Variants in SLC5A4 observed in about 807,000 individuals in gnomAD.
The protein encoded by SLC5A4 is probable glucose sensor protein SLC5A4.
SLC5A4 carries 55 observed loss-of-function variants against 70.3 expected under a neutral mutation model. That is an observed-to-expected ratio of 0.78 (90% CI 0.63 to 0.98). The LOEUF is 0.98. Among genes scored for constraint, SLC5A4 ranks in the 50% least tolerant of loss-of-function variants. SLC5A4 has a pLI of 0.00. For missense variants in SLC5A4, 735 were observed against 839.2 expected (o/e 0.88, Z 1.53); for synonymous variants, 268 against 305.7 (o/e 0.88, Z 1.29).
Position 32,234,864 on chromosome 22 carries a change from A to T in SLC5A4, c.885+9T>A. On this transcript the variant is annotated intron_variant, in intron 8 of 14. Transcript: ENST00000266086. ...CAGACAGACAGACACACATATACAT[A>T]TACTTCACCTGATTTGTGCACCAGT... The T allele has an allele frequency of 6.3e-7, 1 of 1,590,252 alleles. No homozygotes were observed. The highest frequency in any genetic ancestry group is 2.1e-4 in the Middle Eastern group (1 of 4,802).
At chr22:32,247,370 C>G (rs200852699) in intron 5 of SLC5A4, 41 bp downstream of exon 5, 1 of 1,282,564 alleles carries the variant, frequency 7.8e-7, no homozygotes, top group East Asian at 2.3e-5. Context: ...CCCATCTGAC[C>G]AACCTCTTGA....
chr22:32,335,217 C>T, the SLC5A4 span, among the ~76,000 whole-genome samples: 1 of 152,196 alleles, frequency 6.6e-6, no homozygotes, highest in South Asian at 2.1e-4. Context: ...CCACCAGCAC[C>T]AGTGACAGCC....
chr22:32,316,219 A>G, the SLC5A4 span, among the ~76,000 whole-genome samples: 1 of 152,162 alleles, frequency 6.6e-6, no homozygotes, highest in Non-Finnish European at 1.5e-5. Context: ...GTATACTTTA[A>G]AAATAGTTAA....
the SLC5A4 span, among the ~76,000 whole-genome samples, chr22:32,300,685 A>G: frequency 6.6e-6 from 1 of 152,140 alleles, no homozygotes; most frequent in African/African-American, 2.4e-5. Flanking sequence ...TGGCTTTTTC[A>G]TTAAGCATAA....
intron 3 of SLC5A4, among the ~76,000 whole-genome samples, chr22:32,251,473 G>A (rs942441091): frequency 6.7e-6 from 1 of 150,302 alleles, no homozygotes; most frequent in Admixed American, 6.6e-5. Context: ...TTCTGTCTCT[G>A]TCTCTGTCTC....
chr22:32,285,917 T>C, the SLC5A4 span, among the ~76,000 whole-genome samples: 24 of 152,074 alleles, frequency 1.6e-4, no homozygotes, highest in African/African-American at 5.8e-4. Context: ...TTTGTATTTT[T>C]AGTAGAGACG....
At chr22:32,328,807 G>A in the SLC5A4 span, among the ~76,000 whole-genome samples, 14 of 152,384 alleles carry the variant, frequency 9.2e-5, no homozygotes, top group Admixed American at 5.2e-4. Context: ...CCTCAGGGCA[G>A]TGCTAGAGAT....
At chr22:32,341,851 A>G in the SLC5A4 span, among the ~76,000 whole-genome samples, 2 of 152,164 alleles carry the variant, frequency 1.3e-5, no homozygotes, top group Non-Finnish European at 2.9e-5. Flanking sequence ...CCTCCACCTG[A>G]GTGAACCATG....
chr22:32,227,079 C>G (rs1925446040), intron 11 of SLC5A4, among the ~76,000 whole-genome samples: 1 of 152,116 alleles, frequency 6.6e-6, no homozygotes, highest in Non-Finnish European at 1.5e-5. Context: ...CCTCTGGTCA[C>G]CTGAGGTAGC....
the SLC5A4 span, among the ~76,000 whole-genome samples, chr22:32,323,005 T>G: frequency 6.6e-6 from 1 of 152,202 alleles, no homozygotes; most frequent in East Asian, 1.9e-4. Flanking sequence ...GGAATGCAAT[T>G]GTAACATTTA....
the SLC5A4 span, among the ~76,000 whole-genome samples, chr22:32,325,857 C>CT: frequency 6.6e-6 from 1 of 152,248 alleles, no homozygotes; most frequent in Non-Finnish European, 1.5e-5. Context: ...GCCTGTGCTG[C>CT]TGACCACAGG....
the SLC5A4 span, among the ~76,000 whole-genome samples, chr22:32,261,352 CA>C: frequency 6.6e-6 from 1 of 152,236 alleles, no homozygotes; most frequent in Non-Finnish European, 1.5e-5. Flanking sequence ...GGCCCCTACT[CA>C]GTCCACTTAG....
intron 3 of SLC5A4, among the ~76,000 whole-genome samples, chr22:32,249,351 G>A (rs756896687): frequency 9.2e-5 from 14 of 152,110 alleles, no homozygotes; most frequent in Non-Finnish European, 1.6e-4. Flanking sequence ...GAGATTAAGG[G>A]GGCCCAAGGT....
chr22:32,319,347 C>T, the SLC5A4 span, among the ~76,000 whole-genome samples: 1 of 152,122 alleles, frequency 6.6e-6, no homozygotes, highest in African/African-American at 2.4e-5. Context: ...GAACTCACAC[C>T]ATCAGCTCTT....
At chr22:32,281,126 G>A in the SLC5A4 span, among the ~76,000 whole-genome samples, 3 of 152,148 alleles carry the variant, frequency 2.0e-5, no homozygotes, top group South Asian at 2.1e-4. Context: ...ACAAGAGCCC[G>A]TCTGTCCCTG....
At chr22:32,301,982 C>T in the SLC5A4 span, among the ~76,000 whole-genome samples, 3 of 152,052 alleles carry the variant, frequency 2.0e-5, no homozygotes, top group African/African-American at 7.2e-5. Context: ...ACAAAATTAA[C>T]TCAAAGTGGA....
At chr22:32,274,231 G>A in the SLC5A4 span, among the ~76,000 whole-genome samples, 9 of 151,820 alleles carry the variant, frequency 5.9e-5, no homozygotes, top group South Asian at 2.1e-4. Flanking sequence ...TAGTAGAGAC[G>A]GGGTTTCACT....
the SLC5A4 span, among the ~76,000 whole-genome samples, chr22:32,330,001 G>A: frequency 5.9e-5 from 1 of 16,972 alleles, no homozygotes; most frequent in Non-Finnish European, 1.1e-4. Context: ...TCTGGTGTGT[G>A]TGTTGGGGGC....
the SLC5A4 span, among the ~76,000 whole-genome samples, chr22:32,306,157 A>C: frequency 6.6e-6 from 1 of 152,160 alleles, no homozygotes; most frequent in Admixed American, 6.5e-5. Context: ...AAACCTAGGG[A>C]CATTGTTATA....
Sources: allele counts gnomAD v4.1 joint callset (sites outside exome capture counted in the v4.1 genomes callset), GRCh38; gene constraint gnomAD v4.1.1; transcripts MANE v1.5; gene names NCBI Gene and HGNC (gene_info 2026-07-23, HGNC 2026-07-21).